LRRD1: variants seen among roughly 807,000 people sequenced by gnomAD.
LRRD1 encodes leucine-rich repeat and death domain-containing protein 1.
A neutral mutation model predicts 69.5 loss-of-function variants in LRRD1; 49 were observed. That is an observed-to-expected ratio of 0.70 (90% confidence interval 0.56 to 0.89). The LOEUF (loss-of-function observed/expected upper bound fraction) is 0.89, where lower values mean the gene tolerates loss of function less well. Ranked by LOEUF, LRRD1 falls within the 40% of genes least tolerant of loss-of-function variation. LRRD1 has a pLI of 0.00. For synonymous variants in LRRD1, 303 were observed against 338.9 expected (o/e 0.89, Z 1.16); for missense variants, 853 against 956.0 (o/e 0.89, Z 1.42).
At chr7:92,177,551 G>A (rs1372252671) in intron 1 of LRRD1, among the ~76,000 whole-genome samples, 3 of 151,602 alleles carry the variant, frequency 2.0e-5, no homozygotes, top group Admixed American at 1.3e-4. Context: ...GGAGAAGACA[G>A]GCAGATGACT....
intron 4 of LRRD1, among the ~76,000 whole-genome samples, chr7:92,149,436 C>T (rs1820411410): frequency 6.6e-6 from 1 of 152,172 alleles, no homozygotes; most frequent in Non-Finnish European, 1.5e-5. Flanking sequence ...AAATCAGAGT[C>T]CTAGGGAAAA....
intron 3 of LRRD1, among the ~76,000 whole-genome samples, chr7:92,154,225 G>A (rs986173335): frequency 1.3e-5 from 2 of 151,696 alleles, no homozygotes; most frequent in Non-Finnish European, 2.9e-5. Context: ...AGAAATCCTT[G>A]CCAAAGTTTT....
At chr7:92,147,183 C>T (rs1206216688) in intron 4 of LRRD1, among the ~76,000 whole-genome samples, 4 of 151,704 alleles carry the variant, frequency 2.6e-5, no homozygotes, top group Non-Finnish European at 5.9e-5. Flanking sequence ...TCTCCTGCCT[C>T]AGCCTCCCGA....
At chr7:92,155,196 C>T (rs947156095) in intron 3 of LRRD1, among the ~76,000 whole-genome samples, 6 of 152,072 alleles carry the variant, frequency 3.9e-5, no homozygotes, top group African/African-American at 1.4e-4. Flanking sequence ...TACTCTTGTG[C>T]TTTAGGGCCA....
chr7:92,158,953 A>G, intron 3 of LRRD1, 52 bp downstream of exon 3: 3 of 1,430,364 alleles, frequency 2.1e-6, no homozygotes, highest in Non-Finnish European at 1.9e-6. Flanking sequence ...TGCAACTCAG[A>G]CATTAATACT....
intron 1 of LRRD1, among the ~76,000 whole-genome samples, chr7:92,165,729 C>CG (rs1166403134): frequency 4.0e-5 from 6 of 151,862 alleles, no homozygotes; most frequent in African/African-American, 9.7e-5. Flanking sequence ...GATGTGGTAG[C>CG]GGGCGCCTGT....
intron 1 of LRRD1, among the ~76,000 whole-genome samples, chr7:92,170,502 A>G (rs1789032694): frequency 6.6e-6 from 1 of 152,238 alleles, no homozygotes; most frequent in Admixed American, 6.5e-5. Context: ...AAAGGCGCAA[A>G]TAACATATAA....
chr7:92,174,510 T>TATATATATGTATATATA (rs1491100533), intron 1 of LRRD1, among the ~76,000 whole-genome samples: 4 of 12,610 alleles, frequency 3.2e-4, no homozygotes, highest in Non-Finnish European at 4.9e-4. Context: ...TATATATATA[T>TATATATATGTATATATA]TTTTTTTTTT....
chr7:92,148,474 GAT>G (rs71990084), intron 4 of LRRD1, among the ~76,000 whole-genome samples: 67,678 of 150,332 alleles, frequency 0.45, 16,190 homozygotes, highest in African/African-American at 0.62. Context: ...TTCATGCTAT[GAT>G]ATATATATAT....
Position 92,167,315 on chromosome 7 carries a change from C to T in LRRD1, c.-74-2039G>A, listed in dbSNP as rs555828922. On this transcript the variant is annotated intron_variant, in intron 1 of 5. Transcript: ENST00000458448. ...TTCACCATGTTGGCCAGGATGGTCT[C>T]GATCTCCTGACCTTGTGATCCATCC... Among the ~76,000 whole-genome samples, 361 of 151,678 alleles carry T rather than the reference C, an allele frequency of 2.4e-3. 1 individual carries two copies. The highest frequency in any genetic ancestry group is 8.2e-3 in the African/African-American group (339 of 41,428).
downstream of LRRD1, chr7:92,144,821 G>A (rs559489501): frequency 2.1e-6 from 2 of 932,580 alleles, no homozygotes; most frequent in African/African-American, 3.3e-5. Flanking sequence ...GAAGTGAAAT[G>A]GTTCACAAAC....
At chr7:92,143,522 G>C, downstream of LRRD1, among the ~76,000 whole-genome samples, 1 of 152,122 alleles carries the variant, frequency 6.6e-6, no homozygotes. Flanking sequence ...CCGCGGGAAG[G>C]CAGCTAAGGC....
At chr7:92,155,904 C>T (rs1309294289) in intron 3 of LRRD1, among the ~76,000 whole-genome samples, 1 of 152,216 alleles carries the variant, frequency 6.6e-6, no homozygotes, top group Admixed American at 6.5e-5. Context: ...GGCCAGAAGA[C>T]ACAGCCAGTC....
intron 3 of LRRD1, among the ~76,000 whole-genome samples, chr7:92,154,753 G>A (rs1788617006): frequency 6.6e-6 from 1 of 151,990 alleles, no homozygotes; most frequent in South Asian, 2.1e-4. Flanking sequence ...ACATCCAGTT[G>A]ATCCAGCAAT....
intron 1 of LRRD1, among the ~76,000 whole-genome samples, chr7:92,172,663 A>G (rs932267374): frequency 2.0e-5 from 3 of 152,188 alleles, no homozygotes; most frequent in African/African-American, 7.2e-5. Flanking sequence ...AAGGAAAACT[A>G]GAAAACACTG....
intron 2 of LRRD1, among the ~76,000 whole-genome samples, chr7:92,162,972 A>G (rs1788821418): frequency 6.6e-6 from 1 of 152,184 alleles, no homozygotes; most frequent in Non-Finnish European, 1.5e-5. Context: ...AACTTTCAAT[A>G]ATGTGTTTAT....
rs377033440 is a variant in LRRD1 at position 92,149,578 on chromosome 7, CAA to C, written c.2278+954_2278+955del. 3.5e-4 allele frequency among the ~76,000 whole-genome samples: 53 copies of C among 152,276 alleles called. No individual in the cohort carries two copies. In the East Asian group the frequency reaches 8.1e-3, roughly 23 times the overall value. On this transcript the variant is annotated intron_variant, in intron 4 of 5. Transcript: ENST00000458448. ...CTGTTCTCAGAAATAATCAGACACA[CAA>C]CAGAGAGCTCAAGGACGGATGGGAT...
In LRRD1 at chr7:92,150,539, C is replaced by G. The variant is rs138031057; in HGVS notation, c.2273G>C (p.Arg758Thr). ...IARYLQRADE[R>T]DEKILEKIFK... ...GTCAATCACTCATCACCTACCATCT[C>G]TTTCATCTGCCCTCTGTAGATAGCG... The change falls in exon 4 of 6, where the codon AGA becomes ACA. Residue 758 changes from arginine (R) to threonine (T), a missense_variant. Physicochemically the swap from Arg to Thr is moderately conservative, Grantham distance 71. This residue lies in a region of LRRD1 where 739 missense variants were observed against 808.0 expected (regional missense o/e 0.91). Coordinates refer to ENST00000458448, the MANE Select transcript of LRRD1 (RefSeq NM_001161528.2). 1,809 of 1,538,464 alleles carry G rather than the reference C, an allele frequency of 1.2e-3. 2 individuals are homozygous for G. The highest frequency in any genetic ancestry group is 4.6e-3 in the Middle Eastern group (27 of 5,934).
At chr7:92,154,129 C>T (rs1027543419) in intron 3 of LRRD1, among the ~76,000 whole-genome samples, 1 of 152,196 alleles carries the variant, frequency 6.6e-6, no homozygotes, top group Non-Finnish European at 1.5e-5. Context: ...TGAGCCACCA[C>T]GCCCAGCAGA....
Sources: allele counts gnomAD v4.1 joint callset (sites outside exome capture counted in the v4.1 genomes callset), GRCh38; gene constraint gnomAD v4.1.1; regional missense constraint gnomAD v4.1.1; transcripts MANE v1.5; gene names NCBI Gene and HGNC (gene_info 2026-07-23, HGNC 2026-07-21).